Variants in LYST observed in about 807,000 individuals in gnomAD.
LYST encodes the protein lysosomal-trafficking regulator.
Under a neutral mutation model 413.6 loss-of-function variants are expected in LYST, and 192 were observed. The observed-to-expected ratio is 0.46, with a 90% CI of 0.41 to 0.52. The LOEUF (loss-of-function observed/expected upper bound fraction) is 0.52. Ranked by LOEUF, LYST falls within the 20% of genes least tolerant of loss-of-function variation. The probability of loss-of-function intolerance (pLI) is 0.00; values close to 1 mark genes in which losing one functional copy is unlikely to be tolerated. For missense variants in LYST, 3,815 were observed against 4,499.9 expected, an observed-to-expected ratio of 0.85 and a Z score of 4.35; for synonymous variants, 1,525 against 1,567.3, an observed-to-expected ratio of 0.97 and a Z score of 0.64.
At chr1:235,879,557 A>G (rs953632094) in intron 1 of LYST, among the ~76,000 whole-genome samples, 3 of 152,198 alleles carry the variant, frequency 2.0e-5, no homozygotes, top group Non-Finnish European at 4.4e-5. Flanking sequence ...CTCCAGATAC[A>G]TAGTCTGTTC....
rs1039547802 is a variant in LYST, at chr1:235,780,787, A to C, written c.5214+78T>G. The C allele has an allele frequency of 2.5e-5, 13 of 512,942 alleles. No individual in the cohort carries two copies. In the East Asian group the frequency reaches 4.1e-4, roughly 16 times the overall value. The allele number at this position is 512,942 out of a possible 1,614,324, so 31.8% of individuals were successfully genotyped here. The stretch of plus-strand genomic sequence containing the variant: ...ACCACATTAAAATCTTTAGAAATCT[A>C]ATTCATAACTATACATTACAATAAA... On this transcript the variant is annotated intron_variant, in intron 16 of 52. Transcript: ENST00000389793.
At position 235,810,470 on chromosome 1, in the gene LYST, T is replaced by C. The variant is rs768014376; in HGVS notation, c.348A>G (p.Arg116=). ...CTAAATGTAATTTTTCCTGAGTGGATCTTTGTGAACTTGAGTTCTTTTCTT... is the reference window on the plus strand; with the variant it reads ...CTAAATGTAATTTTTCCTGAGTGGACCTTTGTGAACTTGAGTTCTTTTCTT... ...LTKEKNSSSQ[R]STQEKLHLEG... The change falls in exon 5 of 53, where the codon AGA becomes AGG. Residue 116 remains arginine (R), a synonymous_variant. Coordinates refer to ENST00000389793, the MANE Select transcript of LYST (RefSeq NM_000081.4). 15 of 1,611,364 alleles carry C rather than the reference T, an allele frequency of 9.3e-6. No individual in the cohort carries two copies. In the Middle Eastern group the frequency reaches 5.0e-4, roughly 53 times the overall value.
At chr1:235,767,788 C>T (rs948277920) in intron 20 of LYST, among the ~76,000 whole-genome samples, 2 of 152,104 alleles carry the variant, frequency 1.3e-5, no homozygotes, top group Admixed American at 6.6e-5. Context: ...TGGCTCTTGC[C>T]TTATCCATGC....
At chr1:235,712,613 TC>T in intron 42 of LYST, 1 of 984,846 alleles carries the variant, frequency 1.0e-6, no homozygotes, top group Non-Finnish European at 1.2e-6. Flanking sequence ...AACAGTTTTT[TC>T]CCCATCAGGA....
intron 12 of LYST, among the ~76,000 whole-genome samples, chr1:235,789,084 T>C (rs1389047148): frequency 6.6e-6 from 1 of 152,112 alleles, no homozygotes; most frequent in African/African-American, 2.4e-5. Context: ...TATTAAAAAA[T>C]GTATAATAAC....
intron 47 of LYST, among the ~76,000 whole-genome samples, chr1:235,691,880 T>C (rs1243383536): frequency 1.3e-5 from 2 of 151,314 alleles, no homozygotes; most frequent in Non-Finnish European, 2.9e-5. Flanking sequence ...GCATTTTTCA[T>C]AGAGGCAGGG....
chr1:235,714,492 T>C (rs1300723084), intron 42 of LYST, among the ~76,000 whole-genome samples: 2 of 152,228 alleles, frequency 1.3e-5, no homozygotes, highest in East Asian at 3.8e-4. Context: ...CAATAGGTTG[T>C]ACATGAGTAA....
In LYST at chr1:235,708,353, G is replaced by A. The variant is rs150225147; in HGVS notation, c.10143+738C>T. Among the ~76,000 whole-genome samples the A allele has an allele frequency of 5.4e-4, 82 of 152,268 alleles. No individual in the cohort carries two copies. In the Middle Eastern group the frequency reaches 0.024, roughly 45 times the overall value. On this transcript the variant is annotated intron_variant, in intron 44 of 52. Transcript: ENST00000389793. The stretch of plus-strand genomic sequence containing the variant: ...GAAAACATGGTGCCATTTTAAAGTA[G>A]AACATGTATGTAGGATAGTGTGCGG...
In LYST at chr1:235,734,516, T is replaced by C. The variant is rs1374483028; in HGVS notation, c.8502A>G (p.Ser2834=). 1.2e-6 allele frequency: 2 copies of C among 1,613,682 alleles called. No homozygotes were observed. The highest frequency in any genetic ancestry group is 1.7e-6 in the Non-Finnish European group (2 of 1,179,730). ...TCATTTTAATAAGGTCTGCTTTTGT[T>C]GATGCACTGGGAGGGATGCACTTGT... ...CGHKCIPPSA[S]TKADLIKMIK... The change falls in exon 32 of 53, where the codon TCA becomes TCG. Residue 2834 remains serine, a synonymous_variant. Coordinates refer to ENST00000389793, the MANE Select transcript of LYST (RefSeq NM_000081.4).
At chr1:235,785,661 T>C (rs1670341111) in intron 14 of LYST, among the ~76,000 whole-genome samples, 1 of 152,188 alleles carries the variant, frequency 6.6e-6, no homozygotes, top group Non-Finnish European at 1.5e-5. Flanking sequence ...CAGCTTGGCA[T>C]TCAAAGCCTG....
At position 235,788,850 on chromosome 1, in the gene LYST, A is replaced by G. The variant is rs1220287528; in HGVS notation, c.4544-5T>C. The G allele has an allele frequency of 6.2e-7, 1 of 1,613,096 alleles. No homozygotes were observed. Among genetic ancestry groups the G allele is most frequent in the Admixed American group, 1.7e-5 (1 of 59,992 alleles). On this transcript the variant is annotated splice_region_variant and splice_polypyrimidine_tract_variant and intron_variant, in intron 12 of 52. Transcript: ENST00000389793. ...CACCTTCTGGTCTGTCGCTCTCTAT[A>G]AGAAAAAGATGTTAGAATGATCAGT...
At chr1:235,741,297 G>C in intron 31 of LYST, 125 bp downstream of exon 31, 2 of 868,028 alleles carry the variant, frequency 2.3e-6, no homozygotes, top group Non-Finnish European at 3.8e-6. Flanking sequence ...GGTTAAATTT[G>C]CTTGGTAAGA....
At chr1:235,706,468 C>T (rs1661997521) in intron 44 of LYST, among the ~76,000 whole-genome samples, 2 of 152,290 alleles carry the variant, frequency 1.3e-5, no homozygotes, top group East Asian at 3.9e-4. Context: ...CCTCATCAAA[C>T]CAGACATAAA....
chr1:235,842,182 C>A (rs888121602), intron 1 of LYST, among the ~76,000 whole-genome samples: 25 of 151,834 alleles, frequency 1.6e-4, no homozygotes, highest in Admixed American at 1.6e-3. Flanking sequence ...GAAGAACAGT[C>A]CTTATGGCCA....
At position 235,778,098 on chromosome 1, in the gene LYST, A is replaced by AATATATATATATATATAT. The variant is rs139907712; in HGVS notation, c.5215-808_5215-791dup. 8.4e-4 allele frequency among the ~76,000 whole-genome samples: 108 copies of AATATATATATATATATAT among 128,004 alleles called. 2 individuals carry two copies. Among genetic ancestry groups the AATATATATATATATATAT allele is most frequent in the African/African-American group, 3.9e-3 (104 of 26,692 alleles). The allele number at this position is 128,004 out of a possible 152,430, so 84.0% of individuals were successfully genotyped here. On this transcript the variant is annotated intron_variant, in intron 16 of 52. Transcript: ENST00000389793. ...CCACCACACCCAGTTAACCCAGTTA[A>AATATATATATATATATAT]ATATATATATATATATATATATATT...
intron 3 of LYST, among the ~76,000 whole-genome samples, chr1:235,826,598 A>C (rs933147367): frequency 6.6e-6 from 1 of 152,242 alleles, no homozygotes; most frequent in African/African-American, 2.4e-5. Context: ...TGACTGAAAA[A>C]AAAGGCATGA....
chr1:235,858,320 G>C (rs751365713), intron 1 of LYST, among the ~76,000 whole-genome samples: 3 of 152,156 alleles, frequency 2.0e-5, no homozygotes, highest in Admixed American at 6.6e-5. Context: ...TGAAACATAA[G>C]CATGATAACC....
intron 29 of LYST, among the ~76,000 whole-genome samples, chr1:235,744,726 C>G (rs138423776): frequency 1.1e-3 from 160 of 151,810 alleles, no homozygotes; most frequent in African/African-American, 3.7e-3. Context: ...ATGGTGGAAC[C>G]CCATCTCTAC....
At chr1:235,844,348 G>T (rs1677550959) in intron 1 of LYST, among the ~76,000 whole-genome samples, 1 of 152,120 alleles carries the variant, frequency 6.6e-6, no homozygotes, top group African/African-American at 2.4e-5. Context: ...ATCTTATGTT[G>T]TCATAATGGC....
Sources: allele counts gnomAD v4.1 joint callset (sites outside exome capture counted in the v4.1 genomes callset), GRCh38; gene constraint gnomAD v4.1.1; transcripts MANE v1.5; gene names NCBI Gene and HGNC (gene_info 2026-07-23, HGNC 2026-07-21).